The following SPHKAP variants were observed in gnomAD, a reference collection of about 807,000 sequenced individuals.
SPHKAP encodes SPHK1 interactor, AKAP domain containing.
In SPHKAP, 67 loss-of-function variants were observed where a neutral mutation model predicts 137.5. The observed-to-expected ratio is 0.49, with a 90% CI of 0.40 to 0.60. The LOEUF (loss-of-function observed/expected upper bound fraction) is 0.60, where lower values mean the gene tolerates loss of function less well. SPHKAP is among the 20% of genes least tolerant of loss of function. The pLI is 0.00. For synonymous variants in SPHKAP, 813 were observed against 785.3 expected (o/e 1.04, Z -0.59); for missense variants, 2,097 against 2,069.3 (o/e 1.01, Z -0.26).
At chr2:228,160,899 A>G (rs1700254583) in intron 1 of SPHKAP, among the ~76,000 whole-genome samples, 1 of 152,232 alleles carries the variant, frequency 6.6e-6, no homozygotes, top group Non-Finnish European at 1.5e-5. Context: ...TGGCCCAGAT[A>G]ACATTTATGT....
intron 3 of SPHKAP, among the ~76,000 whole-genome samples, chr2:228,073,372 T>G (rs541813691): frequency 6.6e-6 from 1 of 152,336 alleles, no homozygotes; most frequent in South Asian, 2.1e-4. Flanking sequence ...AGACACTGCC[T>G]ACCTGAAAAT....
At chr2:228,065,445 C>T (rs1696793284) in intron 3 of SPHKAP, among the ~76,000 whole-genome samples, 1 of 152,176 alleles carries the variant, frequency 6.6e-6, no homozygotes, top group Non-Finnish European at 1.5e-5. Flanking sequence ...CTATGGACTG[C>T]TGAGAGCTGA....
chr2:228,172,916 TTA>T, intron 1 of SPHKAP: 1 of 474,684 alleles, frequency 2.1e-6, no homozygotes. Flanking sequence ...CCAAATCATA[TTA>T]TGTCACTATG....
intron 3 of SPHKAP, among the ~76,000 whole-genome samples, chr2:228,056,118 C>T (rs995658961): frequency 6.6e-6 from 1 of 152,204 alleles, no homozygotes; most frequent in Non-Finnish European, 1.5e-5. Flanking sequence ...AATCACTCTC[C>T]TACTATTGTC....
At chr2:228,167,397 AC>A (rs1195798860) in intron 1 of SPHKAP, among the ~76,000 whole-genome samples, 2 of 152,172 alleles carry the variant, frequency 1.3e-5, no homozygotes, top group Non-Finnish European at 2.9e-5. Flanking sequence ...AAGTCAACGT[AC>A]CTTTTTAATC....
At chr2:228,144,045 T>C (rs1456937185) in intron 1 of SPHKAP, among the ~76,000 whole-genome samples, 2 of 152,158 alleles carry the variant, frequency 1.3e-5, no homozygotes, top group East Asian at 3.9e-4. Flanking sequence ...CTGTTGCCTC[T>C]GCTGGAAATG....
At chr2:227,990,530 T>A (rs1189663477) in intron 11 of SPHKAP, among the ~76,000 whole-genome samples, 2 of 152,154 alleles carry the variant, frequency 1.3e-5, no homozygotes, top group Non-Finnish European at 2.9e-5. Flanking sequence ...GCTTTATATT[T>A]CTGGTAGGTG....
At chr2:228,071,001 A>G (rs1696987794) in intron 3 of SPHKAP, among the ~76,000 whole-genome samples, 1 of 152,132 alleles carries the variant, frequency 6.6e-6, no homozygotes, top group Admixed American at 6.5e-5. Flanking sequence ...CTTATTGGCA[A>G]GGTACATGAT....
At chr2:228,044,557 C>G (rs72973709) in intron 3 of SPHKAP, among the ~76,000 whole-genome samples, 2 of 151,956 alleles carry the variant, frequency 1.3e-5, no homozygotes, top group Non-Finnish European at 2.9e-5. Flanking sequence ...AACAGACTGC[C>G]AAGTGTTGAG....
At chr2:228,132,413 T>G (rs1440869836) in intron 1 of SPHKAP, 1 of 337,374 alleles carries the variant, frequency 3.0e-6, no homozygotes, top group Non-Finnish European at 4.2e-6. Flanking sequence ...AAATAAATTT[T>G]TCTCAATTGC....
chr2:228,122,151 C>A (rs569816354), intron 2 of SPHKAP, among the ~76,000 whole-genome samples: 2 of 151,830 alleles, frequency 1.3e-5, no homozygotes, highest in Non-Finnish European at 2.9e-5. Flanking sequence ...ATTTAATACA[C>A]AATATATAAA....
chr2:228,175,053 A>G (rs1700700313), intron 1 of SPHKAP, among the ~76,000 whole-genome samples: 1 of 151,898 alleles, frequency 6.6e-6, no homozygotes, highest in African/African-American at 2.4e-5. Context: ...ACAAAAACAA[A>G]ATTATAAAAG....
intron 1 of SPHKAP, among the ~76,000 whole-genome samples, chr2:228,179,551 C>A (rs1427823855): frequency 2.0e-5 from 3 of 151,992 alleles, no homozygotes; most frequent in African/African-American, 7.2e-5. Context: ...ATAAAATACC[C>A]GAAATTACTA....
chr2:228,045,495 A>T (rs1353197826), intron 3 of SPHKAP, among the ~76,000 whole-genome samples: 2 of 151,448 alleles, frequency 1.3e-5, no homozygotes, highest in East Asian at 3.9e-4. Flanking sequence ...AACTATCGCA[A>T]GGACAAAAAA....
intron 7 of SPHKAP, among the ~76,000 whole-genome samples, chr2:227,996,822 AG>A (rs1187790673): frequency 9.2e-5 from 14 of 152,178 alleles, no homozygotes; most frequent in African/African-American, 3.4e-4. Context: ...CCAACTCAAA[AG>A]CTTTCACAAT....
At chr2:228,114,601 C>A (rs768601356) in intron 2 of SPHKAP, among the ~76,000 whole-genome samples, 6 of 152,118 alleles carry the variant, frequency 3.9e-5, no homozygotes, top group Non-Finnish European at 8.8e-5. Context: ...TGAGAACATG[C>A]TTGTAAAGGG....
At chr2:227,984,666 T>TGTATG (rs1282189485) in intron 11 of SPHKAP, among the ~76,000 whole-genome samples, 2 of 152,190 alleles carry the variant, frequency 1.3e-5, no homozygotes, top group African/African-American at 4.8e-5. Context: ...TGACAGCTTT[T>TGTATG]GTATGATTCC....
At chr2:228,034,118 T>C (rs1307956527) in intron 3 of SPHKAP, among the ~76,000 whole-genome samples, 3 of 151,774 alleles carry the variant, frequency 2.0e-5, no homozygotes, top group Non-Finnish European at 2.9e-5. Flanking sequence ...ATCAACAAAA[T>C]TGATAGACCG....
chr2:228,171,447 A>C (rs1700581943), intron 1 of SPHKAP, among the ~76,000 whole-genome samples: 1 of 152,122 alleles, frequency 6.6e-6, no homozygotes, highest in Non-Finnish European at 1.5e-5. Context: ...TAAAAAGCCA[A>C]GTTTGCCTTT....
Sources: allele counts gnomAD v4.1 joint callset (sites outside exome capture counted in the v4.1 genomes callset), GRCh38; gene constraint gnomAD v4.1.1; transcripts MANE v1.5; gene names NCBI Gene and HGNC (gene_info 2026-07-23, HGNC 2026-07-21).